CALN1: variants seen among roughly 807,000 people sequenced by gnomAD.
CALN1 encodes the protein calcium-binding protein 8.
A neutral mutation model predicts 30.6 loss-of-function variants in CALN1; 17 were observed. That is an observed-to-expected ratio of 0.56 (90% CI 0.38 to 0.83). CALN1 has a LOEUF of 0.83. Among genes scored for constraint, CALN1 ranks in the 40% least tolerant of loss-of-function variants. The probability of loss-of-function intolerance (pLI) is 0.00; values close to 1 mark genes in which losing one functional copy is unlikely to be tolerated. For missense variants in CALN1, 291 were observed against 354.9 expected (o/e 0.82, Z 1.45); for synonymous variants, 156 against 131.4 (o/e 1.19, Z -1.28).
chr7:72,087,749 C>G (rs577815422), intron 4 of CALN1, among the ~76,000 whole-genome samples: 73 of 152,216 alleles, frequency 4.8e-4, no homozygotes, highest in African/African-American at 1.5e-3. Flanking sequence ...ATTGGAAGGC[C>G]ATAGCCCAGG....
intron 2 of CALN1, among the ~76,000 whole-genome samples, chr7:72,347,962 C>G (rs1231481410): frequency 1.3e-5 from 2 of 152,034 alleles, no homozygotes; most frequent in East Asian, 3.9e-4. Flanking sequence ...GAGACCCTGT[C>G]TCTACTAAAA....
chr7:71,890,996 C>T (rs1406827646), intron 5 of CALN1, among the ~76,000 whole-genome samples: 1 of 152,132 alleles, frequency 6.6e-6, no homozygotes, highest in Non-Finnish European at 1.5e-5. Context: ...ATCCACCCAC[C>T]TCAGCCTCCC....
At chr7:72,296,934 C>A (rs1798905176) in intron 2 of CALN1, among the ~76,000 whole-genome samples, 1 of 151,116 alleles carries the variant, frequency 6.6e-6, no homozygotes, top group Admixed American at 6.6e-5. Context: ...TTTTCTAGTT[C>A]TTTTAATTGT....
intron 5 of CALN1, among the ~76,000 whole-genome samples, chr7:71,878,082 G>A (rs1260797716): frequency 6.6e-6 from 1 of 152,110 alleles, no homozygotes; most frequent in African/African-American, 2.4e-5. Flanking sequence ...GCTGGGCTAA[G>A]GAATACTCTC....
intron 5 of CALN1, among the ~76,000 whole-genome samples, chr7:71,934,342 T>C (rs1242191334): frequency 1.3e-5 from 2 of 152,208 alleles, no homozygotes; most frequent in Non-Finnish European, 2.9e-5. Context: ...TAGTCACTGA[T>C]TATCTTAGTC....
chr7:72,133,835 A>G (rs1272870825), intron 3 of CALN1, among the ~76,000 whole-genome samples: 3 of 152,244 alleles, frequency 2.0e-5, no homozygotes, highest in Non-Finnish European at 4.4e-5. Flanking sequence ...ATAACTATGA[A>G]GGAACATCAG....
At chr7:72,480,268 T>C in the CALN1 span, among the ~76,000 whole-genome samples, 1 of 152,240 alleles carries the variant, frequency 6.6e-6, no homozygotes, top group East Asian at 1.9e-4. Flanking sequence ...ATGAAGGGTT[T>C]TGAGAAATGT....
chr7:72,425,766 T>C (rs139305501), intron 1 of CALN1, among the ~76,000 whole-genome samples: 3 of 152,288 alleles, frequency 2.0e-5, no homozygotes, highest in Admixed American at 2.0e-4. Flanking sequence ...GCTATAAAGC[T>C]TGCAGAATTT....
At chr7:72,247,603 C>A (rs1235295079) in intron 3 of CALN1, among the ~76,000 whole-genome samples, 1 of 152,150 alleles carries the variant, frequency 6.6e-6, no homozygotes, top group African/African-American at 2.4e-5. Context: ...ATCATGCCCA[C>A]TTTACAGAAG....
chr7:71,812,060 T>C (rs572202134), intron 5 of CALN1, among the ~76,000 whole-genome samples: 1 of 152,336 alleles, frequency 6.6e-6, no homozygotes, highest in South Asian at 2.1e-4. Flanking sequence ...TGAATCATTG[T>C]GTGGTTCTAA....
At chr7:72,150,745 T>C (rs1290076100) in intron 3 of CALN1, among the ~76,000 whole-genome samples, 1 of 152,210 alleles carries the variant, frequency 6.6e-6, no homozygotes, top group Non-Finnish European at 1.5e-5. Flanking sequence ...TGTCTCAGTT[T>C]TTTCATTTGT....
chr7:71,807,053 G>T lies in CALN1; in HGVS notation c.658+3283C>A, dbSNP rs146479401. Reference sequence around the variant, plus strand: ...GGACAAGGCACGCAGCTTAGGCCAAGGGCAAAAGAGGATAGGGAGGAGTTG... The same window carrying T: ...GGACAAGGCACGCAGCTTAGGCCAATGGCAAAAGAGGATAGGGAGGAGTTG... On this transcript the variant is annotated intron_variant, in intron 6 of 6. Transcript: ENST00000395275. Among the ~76,000 whole-genome samples, 532 of 152,344 alleles carry T rather than the reference G, an allele frequency of 3.5e-3. 4 individuals are homozygous for T. The highest frequency in any genetic ancestry group is 0.012 in the African/African-American group (492 of 41,582).
chr7:71,960,002 C>T (rs1041069858), intron 5 of CALN1, among the ~76,000 whole-genome samples: 3 of 151,556 alleles, frequency 2.0e-5, no homozygotes, highest in South Asian at 2.1e-4. Flanking sequence ...GGCGTGGTGG[C>T]GGGCACCTGT....
chr7:72,115,044 T>TTATGGACATTACATTATA lies in CALN1; in HGVS notation c.245-8768_245-8751dup, dbSNP rs1465795048. Among the ~76,000 whole-genome samples the TTATGGACATTACATTATA allele has an allele frequency of 1.9e-3, 285 of 150,684 alleles. 2 individuals carry two copies. The highest frequency in any genetic ancestry group is 5.9e-3 in the African/African-American group (242 of 41,150). On this transcript the variant is annotated intron_variant, in intron 3 of 6. Coordinates refer to ENST00000395275, the MANE Select transcript of CALN1 (RefSeq NM_031468.4). The stretch of plus-strand genomic sequence containing the variant: ...TTCCCATTTTTAGTAATGTGGGACA[T>TTATGGACATTACATTATA]TATGGACATTACATTATATATGGAC...
chr7:72,319,915 G>C (rs570330748), intron 2 of CALN1, among the ~76,000 whole-genome samples: 2 of 152,028 alleles, frequency 1.3e-5, no homozygotes, highest in Non-Finnish European at 2.9e-5. Context: ...TACACTATTC[G>C]GGCGATGGTT....
intron 1 of CALN1, among the ~76,000 whole-genome samples, chr7:72,406,621 T>TCTTC: frequency 1.9e-5 from 1 of 52,890 alleles, no homozygotes; most frequent in Non-Finnish European, 2.9e-5. Context: ...TCAGCTTTTT[T>TCTTC]TTTTTTCTTT....
rs535806278 is a variant in CALN1, at chr7:72,379,541, G to A, written c.119+23710C>T. On this transcript the variant is annotated intron_variant, in intron 2 of 6. Coordinates refer to ENST00000395275, the MANE Select transcript of CALN1 (RefSeq NM_031468.4). Reference sequence around the variant, plus strand: ...ATTATGTCGTTTCAAAATTTCAACTGACTATAGCTGGCAATTTCAAGCAAT... The same window carrying A: ...ATTATGTCGTTTCAAAATTTCAACTAACTATAGCTGGCAATTTCAAGCAAT... Among the ~76,000 whole-genome samples, 12 of 152,304 alleles carry A rather than the reference G, an allele frequency of 7.9e-5. No homozygotes were observed. In the South Asian group the frequency reaches 2.5e-3, roughly 32 times the overall value.
At chr7:71,829,401 T>C (rs997738413) in intron 5 of CALN1, among the ~76,000 whole-genome samples, 13 of 152,246 alleles carry the variant, frequency 8.5e-5, no homozygotes, top group South Asian at 2.1e-4. Flanking sequence ...CCCAAGGGAA[T>C]TGATTACAGA....
chr7:72,369,359 T>TTTTTTTTGTTG (rs3030372), intron 2 of CALN1, among the ~76,000 whole-genome samples: 73 of 146,710 alleles, frequency 5.0e-4, no homozygotes, highest in East Asian at 3.3e-3. Context: ...TATTTATTTT[T>TTTTTTTTGTTG]TTGTTGTTGT....
Sources: gnomAD v4.1 joint callset for allele counts (sites outside exome capture counted in the v4.1 genomes callset) on GRCh38, gnomAD v4.1.1 for gene constraint, MANE v1.5 for transcripts, NCBI Gene and HGNC (gene_info 2026-07-23, HGNC 2026-07-21) for gene names.